TNNI3K: variants seen among roughly 807,000 people sequenced by gnomAD.
The protein encoded by TNNI3K is TNNI3 interacting kinase, also known as serine/threonine-protein kinase TNNI3K.
TNNI3K carries 140 observed loss-of-function variants against 114.5 expected under a neutral mutation model. The ratio of observed to expected loss-of-function variants is 1.22; its 90% CI spans 1.07 to 1.41. The LOEUF (loss-of-function observed/expected upper bound fraction) is 1.41. Among genes scored for constraint, TNNI3K ranks in the 40% most tolerant of loss-of-function variants. The pLI is 0.00. For synonymous variants in TNNI3K, 347 were observed against 347.5 expected, an observed-to-expected ratio of 1.00 and a Z score of 0.02; for missense variants, 1,125 against 1,007.6, an observed-to-expected ratio of 1.12 and a Z score of -1.58.
intron 17 of TNNI3K, chr1:74,401,697 A>G (rs1279645508): frequency 2.8e-6 from 1 of 360,008 alleles, no homozygotes; most frequent in Non-Finnish European, 5.4e-6. Flanking sequence ...ACAGCTTAAC[A>G]CAGAGAAAAT....
At chr1:74,541,960 G>T (rs1416140270) in intron 24 of TNNI3K, among the ~76,000 whole-genome samples, 1 of 152,190 alleles carries the variant, frequency 6.6e-6, no homozygotes, top group Non-Finnish European at 1.5e-5. Flanking sequence ...CGAAAATGGA[G>T]ATAAAATGAA....
intron 17 of TNNI3K, among the ~76,000 whole-genome samples, chr1:74,421,262 T>C (rs1015950854): frequency 6.6e-6 from 1 of 152,112 alleles, no homozygotes; most frequent in African/African-American, 2.4e-5. Flanking sequence ...TGACTTCTAA[T>C]TGCGAAGATT....
intron 23 of TNNI3K, among the ~76,000 whole-genome samples, chr1:74,510,778 G>GT (rs1670149270): frequency 6.6e-6 from 1 of 152,240 alleles, no homozygotes; most frequent in Admixed American, 6.5e-5. Context: ...ACAAATGTGT[G>GT]TTGATTTCCC....
intron 17 of TNNI3K, chr1:74,374,835 G>T (rs531342510): frequency 2.6e-5 from 4 of 152,030 alleles, no homozygotes; most frequent in Admixed American, 2.6e-4. Flanking sequence ...CATTCATTTT[G>T]TGGCATTGGA....
chr1:74,444,982 T>C (rs1168402026), intron 20 of TNNI3K, among the ~76,000 whole-genome samples: 2 of 152,176 alleles, frequency 1.3e-5, no homozygotes, highest in African/African-American at 4.8e-5. Context: ...GCTAGCCATA[T>C]GCAGAAAACT....
intron 5 of TNNI3K, among the ~76,000 whole-genome samples, chr1:74,281,334 A>ATG (rs149830701): frequency 0.012 from 1,759 of 148,030 alleles, 13 homozygotes; most frequent in Non-Finnish European, 0.019. Context: ...ACAATAATAG[A>ATG]TGTGTGTGTG....
intron 4 of TNNI3K, among the ~76,000 whole-genome samples, chr1:74,263,416 A>G (rs1006080342): frequency 2.6e-5 from 4 of 152,030 alleles, no homozygotes; most frequent in Non-Finnish European, 4.4e-5. Flanking sequence ...TGCTTAGAAC[A>G]ACGCTTGATA....
At chr1:74,464,612 A>C in intron 21 of TNNI3K, 1 of 1,550,696 alleles carries the variant, frequency 6.4e-7, no homozygotes. Flanking sequence ...AGAGAATGCA[A>C]ATTTTCCATT....
intron 23 of TNNI3K, among the ~76,000 whole-genome samples, chr1:74,528,827 CA>C (rs1447453214): frequency 6.6e-6 from 1 of 152,138 alleles, no homozygotes; most frequent in Non-Finnish European, 1.5e-5. Flanking sequence ...TCCTCATTTC[CA>C]AATACTATTA....
chr1:74,467,072 A>G (rs1479713404), intron 21 of TNNI3K, among the ~76,000 whole-genome samples: 1 of 152,232 alleles, frequency 6.6e-6, no homozygotes, highest in Non-Finnish European at 1.5e-5. Context: ...CAAAAAGAGT[A>G]ACACTTGAGC....
intron 20 of TNNI3K, among the ~76,000 whole-genome samples, chr1:74,443,234 G>GA (rs1034990091): frequency 1.1e-4 from 16 of 151,744 alleles, no homozygotes; most frequent in South Asian, 4.2e-4. Context: ...GTGGTTTTTT[G>GA]AAAAAATTAA....
At chr1:74,333,317 A>G (rs751288432) in intron 6 of TNNI3K, among the ~76,000 whole-genome samples, 1 of 152,246 alleles carries the variant, frequency 6.6e-6, no homozygotes, top group African/African-American at 2.4e-5. Context: ...CTGGAGTGCA[A>G]TGAAGAGCTG....
intron 2 of TNNI3K, among the ~76,000 whole-genome samples, chr1:74,248,724 T>C (rs1189637140): frequency 1.3e-5 from 2 of 152,176 alleles, no homozygotes; most frequent in East Asian, 3.9e-4. Context: ...CTCTTGTCTC[T>C]GGCCCCTCAT....
chr1:74,314,331 A>G (rs1479379750), intron 5 of TNNI3K, among the ~76,000 whole-genome samples: 1 of 152,028 alleles, frequency 6.6e-6, no homozygotes, highest in Admixed American at 6.6e-5. Context: ...GATTCTGATT[A>G]GCACTGAAAT....
chr1:74,256,283 CTTTTTTTTTTTTTTTTTTTT>C (rs61636791), intron 4 of TNNI3K, among the ~76,000 whole-genome samples: 4,088 of 43,204 alleles, frequency 0.095, 300 homozygotes, highest in African/African-American at 0.25. Flanking sequence ...TGTGGTCAGT[CTTTTTTTTTTTTTTTTTTTT>C]TTTTTTTTTT....
chr1:74,406,176 T>A (rs1360906674), intron 17 of TNNI3K, among the ~76,000 whole-genome samples: 2 of 152,216 alleles, frequency 1.3e-5, no homozygotes, highest in Non-Finnish European at 2.9e-5. Context: ...GTTTCCTTTC[T>A]GGCTATCAGC....
intron 21 of TNNI3K, chr1:74,483,222 T>C (rs1327944388): frequency 2.8e-6 from 2 of 714,636 alleles, no homozygotes; most frequent in Admixed American, 2.0e-5. Context: ...ATTTTCCAGG[T>C]ACACTGAGCA....
At position 74,439,607 on chromosome 1, in the gene TNNI3K, G is replaced by T; in HGVS notation, c.1996G>T (p.Ala666Ser). The T allele has an allele frequency of 6.2e-7, 1 of 1,613,308 alleles. No individual in the cohort carries two copies. The highest frequency in any genetic ancestry group is 8.5e-7 in the Non-Finnish European group (1 of 1,179,552). ...AATTCTCACTGGCGAAATTCCATTC[G>T]CTCATCTCAAGCCAGGTAAGACACA... is the stretch of plus-strand genomic sequence containing the variant. ...WEILTGEIPFAHLKPAAAAAD... is the reference protein window; with the variant it reads ...WEILTGEIPFSHLKPAAAAAD... Residue 666 changes from alanine (A) to serine (S), a missense_variant, in exon 20 of 25, where the codon GCT becomes TCT. By Grantham distance (99) the Ala-to-Ser change is moderately conservative. Coordinates refer to ENST00000326637, the MANE Select transcript of TNNI3K (RefSeq NM_015978.3).
chr1:74,472,041 G>A (rs1035299252), intron 21 of TNNI3K: 3 of 710,758 alleles, frequency 4.2e-6, no homozygotes, highest in Non-Finnish European at 7.8e-6. Flanking sequence ...TGGATGATGA[G>A]CTTGTAATAA....
Sources: gnomAD v4.1 joint callset for allele counts (sites outside exome capture counted in the v4.1 genomes callset) on GRCh38, gnomAD v4.1.1 for gene constraint, MANE v1.5 for transcripts, NCBI Gene and HGNC (gene_info 2026-07-23, HGNC 2026-07-21) for gene names.